ZNF665: variants seen among roughly 807,000 people sequenced by gnomAD.
ZNF665 encodes the protein zinc finger protein 665.
In ZNF665, 6 loss-of-function variants were observed where a neutral mutation model predicts 7.9. The ratio of observed to expected loss-of-function variants is 0.76; its 90% confidence interval spans 0.42 to 1.50. ZNF665 has a LOEUF of 1.50. Among genes scored for constraint, ZNF665 ranks in the 40% most tolerant of loss-of-function variants. ZNF665 has a pLI of 0.01. For missense variants in ZNF665, 819 were observed against 806.7 expected (o/e 1.02, Z -0.18); for synonymous variants, 242 against 274.5 (o/e 0.88, Z 1.17).
intron 3 of ZNF665, 85 bp downstream of exon 3, chr19:53,175,360 T>C: frequency 6.6e-7 from 1 of 1,522,566 alleles, no homozygotes; most frequent in Non-Finnish European, 8.9e-7. Flanking sequence ...CATCAAGCAA[T>C]GCAGGGGCTC....
At chr19:53,190,301 T>C (rs1217636086) in intron 1 of ZNF665, 1 of 152,182 alleles carries the variant, frequency 6.6e-6, no homozygotes. Context: ...GGTGGGCCCG[T>C]TGGAGAGCTC....
At chr19:53,173,768 G>A (rs1341304411) in intron 3 of ZNF665, among the ~76,000 whole-genome samples, 1 of 152,124 alleles carries the variant, frequency 6.6e-6, no homozygotes, top group Non-Finnish European at 1.5e-5. Context: ...AATACAGTTT[G>A]AAGTAAGGTA....
intron 2 of ZNF665, among the ~76,000 whole-genome samples, chr19:53,180,432 C>CAA (rs765054047): frequency 7.9e-6 from 1 of 126,064 alleles, no homozygotes; most frequent in Non-Finnish European, 1.7e-5. Flanking sequence ...AACTCCATCT[C>CAA]AAAAAAAAAA....
At chr19:53,171,504 G>GTGTGTATATATATATATATATATA (rs140482885) in intron 3 of ZNF665, among the ~76,000 whole-genome samples, 12 of 57,764 alleles carry the variant, frequency 2.1e-4, no homozygotes, top group African/African-American at 4.3e-4. Context: ...GTGTGTGTGT[G>GTGTGTATATATATATATATATATA]TATATATATA....
At chr19:53,176,793 G>A (rs781013058) in intron 2 of ZNF665, among the ~76,000 whole-genome samples, 5 of 152,178 alleles carry the variant, frequency 3.3e-5, no homozygotes, top group South Asian at 2.1e-4. Context: ...CTGGGAGAAC[G>A]GAAGCATTCT....
Position 53,165,532 on chromosome 19 carries a change from A to G in ZNF665, c.958T>C (p.Cys320Arg). The G allele has an allele frequency of 1.2e-6, 2 of 1,614,056 alleles. No homozygotes were observed. The highest frequency in any genetic ancestry group is 1.7e-6 in the Non-Finnish European group (2 of 1,179,956). ...RIHTGEKPYK[C>R]NECGKAFSVR... ...CTAAAGGCTTTGCCACACTCATTAC[A>G]CTTGTAAGGCTTCTCCCCAGTATGA... Residue 320 changes from cysteine (C) to arginine (R), a missense_variant, in exon 4 of 4, where the codon TGT becomes CGT. Physicochemically the swap from Cys to Arg is radical, Grantham distance 180. Coordinates refer to ENST00000396424, the MANE Select transcript of ZNF665 (RefSeq NM_024733.5).
chr19:53,183,085 T>C, intron 1 of ZNF665, 142 bp from the exon 2 acceptor site: 1 of 861,618 alleles, frequency 1.2e-6, no homozygotes. Context: ...GATGGTCCTC[T>C]GCTGCCCACT....
rs569736116 is a variant in ZNF665 at position 53,162,447 on chromosome 19, T to C, written c.*2006A>G. ...ACTTATAAAATACATCAAATTTTAT[T>C]AGTTAAAACATTAAATCTATGATGC... On this transcript the variant is annotated 3_prime_UTR_variant, in exon 4 of 4. Coordinates refer to ENST00000396424, the MANE Select transcript of ZNF665 (RefSeq NM_024733.5). 3 of 152,322 alleles carry C rather than the reference T, an allele frequency of 2.0e-5. No homozygotes were observed. The highest frequency in any genetic ancestry group is 2.9e-5 in the Non-Finnish European group (2 of 68,040). The allele number at this position is 152,322 out of a possible 1,614,324, so 9.4% of individuals were successfully genotyped here.
chr19:53,165,447 C>G lies in ZNF665; in HGVS notation c.1043G>C (p.Cys348Ser). The change falls in exon 4 of 4, where the codon TGT becomes TCT. Residue 348 changes from cysteine to serine, a missense_variant. Transcript: ENST00000396424. Reference protein sequence around the residue: ...TIHTGEKPYKCNECGKVFRHN... With the variant: ...TIHTGEKPYKSNECGKVFRHN... ...CCTGAAGACCTTGCCACATTCATTA[C>G]ATTTGTAAGGTTTTTCTCCAGTGTG... is the stretch of plus-strand genomic sequence containing the variant. 6.2e-7 allele frequency: 1 copy of G among 1,613,330 alleles called. No individual in the cohort carries two copies. The highest frequency in any genetic ancestry group is 8.5e-7 in the Non-Finnish European group (1 of 1,179,464).
chr19:53,165,784 A>G lies in ZNF665; in HGVS notation c.706T>C (p.Cys236Arg), dbSNP rs1217245941. The change falls in exon 4 of 4, where the codon TGT becomes CGT. Residue 236 changes from cysteine (C) to arginine (R), a missense_variant. Coordinates refer to ENST00000396424, the MANE Select transcript of ZNF665 (RefSeq NM_024733.5). ...CTGAAGACCTTTCCACATTCATTACATTTGTAAGGTTTTTCTCCAGTATGG... is the reference window on the plus strand; with the variant it reads ...CTGAAGACCTTTCCACATTCATTACGTTTGTAAGGTTTTTCTCCAGTATGG... ...VIHTGEKPYK[C>R]NECGKVFSQP... 47 of 1,613,996 alleles carry G rather than the reference A, an allele frequency of 2.9e-5. No homozygotes were observed. Among genetic ancestry groups the G allele is most frequent in the Non-Finnish European group, 3.7e-5 (44 of 1,180,034 alleles).
rs182606445 is a variant in ZNF665 at position 53,193,111 on chromosome 19, G to A, written c.-46+201C>T. 1.1e-3 allele frequency among the ~76,000 whole-genome samples: 167 copies of A among 152,230 alleles called. 3 individuals are homozygous for A. The East Asian group carries it at 0.025, about 23-fold the overall frequency. ...GAGGTGTCTGCATGGTCTGAAGGCC[G>A]AAAGACCGCGGGCAGGACCAGCCTG... On this transcript the variant is annotated intron_variant, in intron 1 of 3. Transcript: ENST00000396424.
chr19:53,177,170 T>A (rs1385533516), intron 2 of ZNF665, among the ~76,000 whole-genome samples: 5 of 152,018 alleles, frequency 3.3e-5, no homozygotes, highest in Non-Finnish European at 7.4e-5. Context: ...AGTTTTTCCC[T>A]ATATTCTCAC....
rs1212117334 is a variant in ZNF665 at position 53,164,940 on chromosome 19, T to C, written c.1550A>G (p.Asn517Ser). 5.0e-6 allele frequency: 8 copies of C among 1,614,092 alleles called. No individual in the cohort carries two copies. The highest frequency in any genetic ancestry group is 4.0e-5 in the African/African-American group (3 of 74,930). ...VHTGEKPYKC[N>S]ECGKAFSVHS... The stretch of plus-strand genomic sequence containing the variant: ...AACACTAAAGGCTTTGCCACACTCA[T>C]TACACTTGTAAGGTTTTTCTCCAGT... The change falls in exon 4 of 4, where the codon AAT (asparagine) becomes AGT (serine). Residue 517 changes from asparagine to serine, a missense_variant. Transcript: ENST00000396424.
At chr19:53,189,559 C>T (rs1599889364) in intron 1 of ZNF665, among the ~76,000 whole-genome samples, 1 of 147,170 alleles carries the variant, frequency 6.8e-6, no homozygotes, top group South Asian at 2.3e-4. Flanking sequence ...TTCTGCATAT[C>T]AGGGACTATT....
Position 53,165,145 on chromosome 19 carries a change from G to C in ZNF665, c.1345C>G (p.Gln449Glu). ...FSVRSSLTTH[Q>E]AIHTGEKPYK... The stretch of plus-strand genomic sequence containing the variant: ...GGCTTTTCTCCAGTATGAATTGCCT[G>C]ATGGGTAGTTAGGCTTGATCGCACA... The change falls in exon 4 of 4, where the codon CAG becomes GAG. Residue 449 changes from glutamine (Q) to glutamate (E), a missense_variant. Physicochemically the swap from Gln to Glu is conservative, Grantham distance 29. Coordinates refer to ENST00000396424, the MANE Select transcript of ZNF665 (RefSeq NM_024733.5). The C allele has an allele frequency of 1.9e-6, 3 of 1,612,884 alleles. No individual in the cohort carries two copies. Among genetic ancestry groups the C allele is most frequent in the Non-Finnish European group, 2.5e-6 (3 of 1,178,896 alleles).
intron 3 of ZNF665, among the ~76,000 whole-genome samples, chr19:53,174,893 C>A (rs898642451): frequency 6.8e-6 from 1 of 146,736 alleles, no homozygotes; most frequent in East Asian, 2.0e-4. Flanking sequence ...TGCAGTGATC[C>A]GAGATCGTGC....
chr19:53,180,027 G>C (rs962704727), intron 2 of ZNF665: 1 of 152,198 alleles, frequency 6.6e-6, no homozygotes, highest in African/African-American at 2.4e-5. Flanking sequence ...TCACCTAACT[G>C]AGAAAAACTG....
In ZNF665 at chr19:53,165,251, C is replaced by G; in HGVS notation, c.1239G>C (p.Gln413His). The change falls in exon 4 of 4, where the codon CAG becomes CAC. Residue 413 changes from glutamine to histidine, a missense_variant. Physicochemically the swap from Gln to His is conservative, Grantham distance 24. Coordinates refer to ENST00000396424, the MANE Select transcript of ZNF665 (RefSeq NM_024733.5). Reference sequence around the variant, plus strand: ...TTCGATGATTTGCTAAGTGTGAATACTGAGTGAAAACCTTGACGCATTCAT... The same window carrying G: ...TTCGATGATTTGCTAAGTGTGAATAGTGAGTGAAAACCTTGACGCATTCAT... ...KCNECVKVFT[Q>H]YSHLANHRRI... 1.9e-6 allele frequency: 3 copies of G among 1,613,224 alleles called. No homozygotes were observed. Among genetic ancestry groups the G allele is most frequent in the Admixed American group, 1.7e-5 (1 of 59,910 alleles).
intron 3 of ZNF665, among the ~76,000 whole-genome samples, chr19:53,167,460 C>CTT (rs67847094): frequency 3.1e-4 from 47 of 149,776 alleles, no homozygotes; most frequent in Admixed American, 4.7e-4. Context: ...CAATTTCTCT[C>CTT]TCTTTTTTTT....
Sources: gnomAD v4.1 joint callset for allele counts (sites outside exome capture counted in the v4.1 genomes callset) on GRCh38, gnomAD v4.1.1 for gene constraint, MANE v1.5 for transcripts, NCBI Gene and HGNC (gene_info 2026-07-23, HGNC 2026-07-21) for gene names.